RBFOX1: variants seen among roughly 807,000 people sequenced by gnomAD.
RBFOX1 encodes the protein RNA binding fox-1 homolog 1.
A neutral mutation model predicts 57.7 loss-of-function variants in RBFOX1; 8 were observed. The ratio of observed to expected loss-of-function variants is 0.14; its 90% CI spans 0.08 to 0.25. The LOEUF (loss-of-function observed/expected upper bound fraction) is 0.25, where lower values mean the gene tolerates loss of function less well. Ranked by LOEUF, RBFOX1 falls within the 10% of genes least tolerant of loss-of-function variation. RBFOX1 has a pLI of 1.00. For missense variants in RBFOX1, 611 were observed against 548.5 expected (o/e 1.11, Z -1.14); for synonymous variants, 326 against 222.4 (o/e 1.47, Z -4.15).
At chr16:6,672,180 C>T (rs1006110467) in intron 3 of RBFOX1, among the ~76,000 whole-genome samples, 1 of 152,236 alleles carries the variant, frequency 6.6e-6, no homozygotes, top group Admixed American at 6.5e-5. Flanking sequence ...TATTTAGTTT[C>T]TATTTATGAG....
intron 3 of RBFOX1, among the ~76,000 whole-genome samples, chr16:6,732,769 C>T (rs1000089400): frequency 1.3e-4 from 20 of 152,188 alleles, no homozygotes; most frequent in Non-Finnish European, 1.8e-4. Flanking sequence ...TCTGTACATG[C>T]TGCACACCTA....
intron 3 of RBFOX1, among the ~76,000 whole-genome samples, chr16:6,974,847 C>G (rs367729023): frequency 6.6e-6 from 1 of 152,100 alleles, no homozygotes; most frequent in African/African-American, 2.4e-5. Context: ...CCATTTTACT[C>G]GCATTCAGTG....
At chr16:6,814,300 T>C (rs981706042) in intron 3 of RBFOX1, among the ~76,000 whole-genome samples, 1 of 152,172 alleles carries the variant, frequency 6.6e-6, no homozygotes, top group African/African-American at 2.4e-5. Context: ...TTTTCTGATC[T>C]TCAAACTGAA....
At chr16:7,069,504 A>T (rs116442549) in intron 4 of RBFOX1, among the ~76,000 whole-genome samples, 1 of 152,142 alleles carries the variant, frequency 6.6e-6, no homozygotes, top group Admixed American at 6.5e-5. Context: ...AGCTTCATCT[A>T]TGTCCTTGCA....
At chr16:7,035,090 C>T (rs993476343) in intron 3 of RBFOX1, among the ~76,000 whole-genome samples, 4 of 151,586 alleles carry the variant, frequency 2.6e-5, no homozygotes, top group East Asian at 3.9e-4. Context: ...TCAGGTGATC[C>T]ACCCGTCTTG....
At chr16:6,179,240 G>T (rs1426021915) in intron 1 of RBFOX1, among the ~76,000 whole-genome samples, 2 of 152,124 alleles carry the variant, frequency 1.3e-5, no homozygotes, top group African/African-American at 4.8e-5. Flanking sequence ...CAACGCCGAG[G>T]GTCCCAGGCT....
At chr16:7,639,100 T>TAA (rs2062302922) in intron 11 of RBFOX1, among the ~76,000 whole-genome samples, 1 of 152,212 alleles carries the variant, frequency 6.6e-6, no homozygotes, top group Non-Finnish European at 1.5e-5. Flanking sequence ...TTGATCAAGA[T>TAA]ACAGGAATTG....
intron 3 of RBFOX1, among the ~76,000 whole-genome samples, chr16:6,874,276 GAGGCAGGT>G (rs2153276344): frequency 6.6e-6 from 1 of 152,176 alleles, no homozygotes; most frequent in Admixed American, 6.5e-5. Context: ...TCGGGAGGCT[GAGGCAGGT>G]GGATAATCTG....
chr16:6,622,010 C>A (rs1262858318), intron 2 of RBFOX1, among the ~76,000 whole-genome samples: 1 of 152,234 alleles, frequency 6.6e-6, no homozygotes, highest in Non-Finnish European at 1.5e-5. Context: ...GGGCTTACAC[C>A]ATTTTCAAGC....
intron 1 of RBFOX1, among the ~76,000 whole-genome samples, chr16:5,424,303 T>A (rs2067446074): frequency 6.6e-6 from 1 of 152,194 alleles, no homozygotes; most frequent in African/African-American, 2.4e-5. Context: ...CCCATGCAGG[T>A]TTCACTGATT....
chr16:6,612,473 C>A (rs202081946), intron 2 of RBFOX1, among the ~76,000 whole-genome samples: 1 of 152,156 alleles, frequency 6.6e-6, no homozygotes, highest in Non-Finnish European at 1.5e-5. Context: ...CGTGTACTTA[C>A]AGCACAAACT....
Position 5,451,901 on chromosome 16 carries a change from C to T in RBFOX1, c.220-15315C>T, listed in dbSNP as rs370135127. 1.2e-4 allele frequency among the ~76,000 whole-genome samples: 19 copies of T among 152,256 alleles called. No homozygotes were observed. In the East Asian group the frequency reaches 1.4e-3, roughly 11 times the overall value. On this transcript the variant is annotated intron_variant, in intron 1 of 2. Transcript: ENST00000585867. ...ACGATGTGTTCTGATACCTACCTTC[C>T]CTACCTCTGGGCTTCTCCCTGAGCT...
At chr16:5,333,790 A>G (rs772535575) in intron 1 of RBFOX1, among the ~76,000 whole-genome samples, 6 of 152,200 alleles carry the variant, frequency 3.9e-5, no homozygotes, top group Non-Finnish European at 2.9e-5. Context: ...ACAGCATGTT[A>G]TTTTACTGAA....
rs148786405 is a variant in RBFOX1, at chr16:6,592,993, G to A, written c.-63-61610G>A. Among the ~76,000 whole-genome samples, 262 of 152,248 alleles carry A rather than the reference G, an allele frequency of 1.7e-3. 1 individual carries two copies. Among genetic ancestry groups the A allele is most frequent in the Non-Finnish European group, 2.8e-3 (193 of 68,016 alleles). ...GGATCATCTGAGGTCAGGAGTTCAC[G>A]ACTAGCCCGGCCAACATGGTAAAAC... On this transcript the variant is annotated intron_variant, in intron 2 of 15. Coordinates refer to ENST00000550418, the MANE Select transcript of RBFOX1 (RefSeq NM_018723.4).
At chr16:5,569,015 ATTT>A (rs34247073) in intron 2 of RBFOX1, among the ~76,000 whole-genome samples, 15 of 139,462 alleles carry the variant, frequency 1.1e-4, no homozygotes, top group African/African-American at 1.3e-4. Flanking sequence ...TAATTTTTGT[ATTT>A]TTTTTTTTTT....
chr16:7,184,461 G>C (rs1327881543), intron 4 of RBFOX1, among the ~76,000 whole-genome samples: 2 of 152,214 alleles, frequency 1.3e-5, no homozygotes, highest in Non-Finnish European at 2.9e-5. Context: ...CTGTTCATCT[G>C]CATTGCATGC....
At chr16:7,496,032 A>G (rs1265081888) in intron 4 of RBFOX1, among the ~76,000 whole-genome samples, 2 of 152,238 alleles carry the variant, frequency 1.3e-5, no homozygotes, top group Non-Finnish European at 2.9e-5. Flanking sequence ...GAGATCCTAC[A>G]GAACGTGGTG....
rs117417299 is a variant in RBFOX1 at position 7,132,041 on chromosome 16, G to C, written c.27+79943G>C. The stretch of plus-strand genomic sequence containing the variant: ...GAGTGTCATTCTGTTACCCAGACTA[G>C]AGCGAAGTGGCACAATATCAGGTCA... On this transcript the variant is annotated intron_variant, in intron 4 of 15. Coordinates refer to ENST00000550418, the MANE Select transcript of RBFOX1 (RefSeq NM_018723.4). Among the ~76,000 whole-genome samples the C allele has an allele frequency of 2.1e-3, 296 of 139,818 alleles. 4 individuals carry two copies. The East Asian group carries it at 0.053, about 25-fold the overall frequency. The allele number at this position is 139,818 out of a possible 152,430, so 91.7% of individuals were successfully genotyped here. A position where few individuals can be genotyped will look rare whatever the true frequency, so the allele number is the denominator to read the frequency against.
At chr16:5,449,564 C>T (rs927028200) in intron 1 of RBFOX1, among the ~76,000 whole-genome samples, 1 of 152,166 alleles carries the variant, frequency 6.6e-6, no homozygotes, top group Non-Finnish European at 1.5e-5. Flanking sequence ...CCCATGCTTT[C>T]TGTGCAGTCT....
Sources: gnomAD v4.1 joint callset for allele counts (sites outside exome capture counted in the v4.1 genomes callset) on GRCh38, gnomAD v4.1.1 for gene constraint, MANE v1.5 for transcripts, NCBI Gene and HGNC (gene_info 2026-07-23, HGNC 2026-07-21) for gene names.